NEB: variants seen among roughly 807,000 people sequenced by gnomAD.
The protein encoded by NEB is nebulin, also known as nemaline myopathy type 2.
NEB carries 512 observed loss-of-function variants against 952.2 expected under a neutral mutation model. That is an observed-to-expected ratio of 0.54 (90% CI 0.50 to 0.58). The LOEUF (loss-of-function observed/expected upper bound fraction) is 0.58, where lower values mean the gene tolerates loss of function less well. Among genes scored for constraint, NEB ranks in the 20% least tolerant of loss-of-function variants. NEB has a pLI of 0.00. For missense variants in NEB, 8,428 were observed against 9,231.1 expected (o/e 0.91, Z 3.56); for synonymous variants, 2,900 against 3,149.8 (o/e 0.92, Z 2.66).
intron 142 of NEB, chr2:151,534,101 C>A: frequency 1.3e-6 from 1 of 781,560 alleles, no homozygotes; most frequent in Non-Finnish European, 2.1e-6. Flanking sequence ...TGAAACAGAA[C>A]AACCCAATAT....
chr2:151,524,173 T>C, intron 153 of NEB, 138 bp downstream of exon 153: 3 of 717,970 alleles, frequency 4.2e-6, no homozygotes, highest in Non-Finnish European at 6.9e-6. Flanking sequence ...CAGTGCACTT[T>C]TTATAACTCT....
chr2:151,687,422 A>G lies in NEB; in HGVS notation c.2634T>C (p.Ser878=), dbSNP rs1277811620. 6.2e-7 allele frequency: 1 copy of G among 1,610,074 alleles called. No individual in the cohort carries two copies. Among genetic ancestry groups the G allele is most frequent in the East Asian group, 2.2e-5 (1 of 44,860 alleles). The change falls in exon 27 of 182, where the codon AGT becomes AGC. Residue 878 remains serine (S), a synonymous_variant. Transcript: ENST00000397345. ...ACAGATTCACAAAGACACTCACATC[A>G]CTCTGGTTTTTGGCTGTCTTCAAGG... The part of the protein sequence containing the change: ...LHSLKTAKNQ[S]DREYRKDYEK...
chr2:151,595,486 T>C, intron 92 of NEB, among the ~76,000 whole-genome samples: 1 of 147,040 alleles, frequency 6.8e-6, no homozygotes, highest in African/African-American at 2.6e-5. Flanking sequence ...TTGGCCAGGC[T>C]GGTCTCGAAC....
intron 63 of NEB, among the ~76,000 whole-genome samples, chr2:151,637,247 A>T (rs2098778792): frequency 6.6e-6 from 1 of 152,202 alleles, no homozygotes; most frequent in African/African-American, 2.4e-5. Flanking sequence ...AAGTTCTTGA[A>T]GATGGGGTGA....
intron 13 of NEB, 84 bp downstream of exon 13, chr2:151,706,797 T>C: frequency 4.2e-6 from 4 of 941,238 alleles, no homozygotes; most frequent in Non-Finnish European, 6.6e-6. Context: ...TGCAAAGTTA[T>C]ATATTCATTT....
Position 151,546,358 on chromosome 2 carries a change from AG to A in NEB, c.20452del (p.Leu6818CysfsTer36), listed in dbSNP as rs1232092156. 6.2e-7 allele frequency: 1 copy of A among 1,612,068 alleles called. No homozygotes were observed. Among genetic ancestry groups the A allele is most frequent in the Non-Finnish European group, 8.5e-7 (1 of 1,179,036 alleles). On this transcript the variant is annotated frameshift_variant, in exon 134 of 182. Transcript: ENST00000397345. LOFTEE classifies it high-confidence loss of function. ...ATGTGCACTCACCCAGAGCTTCCGC[AG>A]GTGCCGGGAGCGGACCATGTCAGGA... is the stretch of plus-strand genomic sequence containing the variant. Reference protein sequence around the residue: ...DTPDMVRSRHLRKLWSNYLYT... With the variant: ...DTPDMVRSRHXRKLWSNYLYT...
At chr2:151,504,281 G>A (rs2153139732) in intron 165 of NEB, among the ~76,000 whole-genome samples, 1 of 152,270 alleles carries the variant, frequency 6.6e-6, no homozygotes. Context: ...TTGCAAGGAA[G>A]CTTCTAGGAA....
intron 135 of NEB, among the ~76,000 whole-genome samples, chr2:151,543,262 A>C (rs962317693): frequency 6.6e-6 from 1 of 152,234 alleles, no homozygotes; most frequent in African/African-American, 2.4e-5. Flanking sequence ...AATAAATTCT[A>C]ATCATGGATA....
chr2:151,730,824 C>A (rs1480419639), intron 3 of NEB, among the ~76,000 whole-genome samples: 1 of 152,086 alleles, frequency 6.6e-6, no homozygotes, highest in Non-Finnish European at 1.5e-5. Context: ...CGTTAACAAT[C>A]GTCTAGAACT....
chr2:151,659,840 T>C (rs2154160565), intron 46 of NEB, among the ~76,000 whole-genome samples: 1 of 152,304 alleles, frequency 6.6e-6, no homozygotes, highest in East Asian at 1.9e-4. Context: ...CTTCTTAAAA[T>C]AATTTACTTC....
At chr2:151,631,430 G>A (rs1403049150) in intron 65 of NEB, 84 bp from the exon 66 acceptor site, 5 of 1,400,992 alleles carry the variant, frequency 3.6e-6, no homozygotes, top group African/African-American at 2.9e-5. Flanking sequence ...GTAATAAAGT[G>A]CAATTCTGTT....
Position 151,498,927 on chromosome 2 carries a change from CAGT to C in NEB, c.24114+368_24114+370del, listed in dbSNP as rs1407649326. Among the ~76,000 whole-genome samples, 5 of 150,606 alleles carry C rather than the reference CAGT, an allele frequency of 3.3e-5. No homozygotes were observed. The East Asian group carries it at 9.8e-4, about 29-fold the overall frequency. On this transcript the variant is annotated intron_variant, in intron 169 of 181. Coordinates refer to ENST00000397345, the MANE Select transcript of NEB (RefSeq NM_001164508.2). ...AACTTCAAAATATCTGTACAAATAA[CAGT>C]AGAGATAGAAAAGGTTAGAATAAGA...
intron 150 of NEB, among the ~76,000 whole-genome samples, 200 bp downstream of exon 150, chr2:151,525,758 C>G (rs1180463140): frequency 6.6e-6 from 1 of 152,140 alleles, no homozygotes; most frequent in Non-Finnish European, 1.5e-5. Flanking sequence ...TAGCAAAACC[C>G]ACATTTGCCA....
chr2:151,712,936 C>T (rs146809070), intron 10 of NEB, among the ~76,000 whole-genome samples: 1 of 152,122 alleles, frequency 6.6e-6, no homozygotes, highest in African/African-American at 2.4e-5. Flanking sequence ...CTCTGTTGTA[C>T]TTGCAGTTGA....
chr2:151,683,752 A>G (rs1225847053), intron 28 of NEB, among the ~76,000 whole-genome samples: 1 of 152,198 alleles, frequency 6.6e-6, no homozygotes, highest in Non-Finnish European at 1.5e-5. Flanking sequence ...TCTCAAAGAG[A>G]TATTCACATG....
chr2:151,519,555 G>C, intron 154 of NEB, 103 bp downstream of exon 154: 1 of 845,868 alleles, frequency 1.2e-6, no homozygotes, highest in South Asian at 1.7e-5. Context: ...ACAGTAGTTG[G>C]ATAATATTGT....
In NEB at chr2:151,562,814, AT is replaced by A. The variant is rs763587657; in HGVS notation, c.18694-7del. 2.8e-5 allele frequency: 44 copies of A among 1,546,670 alleles called. No individual in the cohort carries two copies. The highest frequency in any genetic ancestry group is 3.7e-5 in the Non-Finnish European group (42 of 1,140,122). On this transcript the variant is annotated splice_polypyrimidine_tract_variant and splice_region_variant and intron_variant, in intron 119 of 181. Transcript: ENST00000397345. ...TAATGTTTTCTGTAGTTCAACTAATATGTTTTAAAGACAAAAATAAGAAAGG... is the reference window on the plus strand; with the variant it reads ...TAATGTTTTCTGTAGTTCAACTAATAGTTTTAAAGACAAAAATAAGAAAGG...
At chr2:151,578,062 T>G (rs2096942642) in intron 105 of NEB, among the ~76,000 whole-genome samples, 1 of 152,232 alleles carries the variant, frequency 6.6e-6, no homozygotes, top group Non-Finnish European at 1.5e-5. Flanking sequence ...TTTTAAGTGA[T>G]GAGCATGCTT....
chr2:151,541,470 G>T lies in NEB; in HGVS notation c.20659C>A (p.Arg6887=), dbSNP rs749452641. Residue 6887 remains arginine, a synonymous_variant, in exon 136 of 182, where the codon CGA becomes AGA. Coordinates refer to ENST00000397345, the MANE Select transcript of NEB (RefSeq NM_001164508.2). ...ACCTGACTCTGAAGCTTCTGCCCTCGCTTGGCTCTTAAAAGATCAGGAGTA... is the reference window on the plus strand; with the variant it reads ...ACCTGACTCTGAAGCTTCTGCCCTCTCTTGGCTCTTAAAAGATCAGGAGTA... ...PDTPDLLRAK[R]GQKLQSQYLY... 6.2e-7 allele frequency: 1 copy of T among 1,612,446 alleles called. No individual in the cohort carries two copies. The highest frequency in any genetic ancestry group is 1.3e-5 in the African/African-American group (1 of 74,830).
Sources: allele counts gnomAD v4.1 joint callset (sites outside exome capture counted in the v4.1 genomes callset), GRCh38; gene constraint gnomAD v4.1.1; transcripts MANE v1.5; gene names NCBI Gene and HGNC (gene_info 2026-07-23, HGNC 2026-07-21).